The following CHN2 variants were observed in gnomAD, a reference collection of about 807,000 sequenced individuals.
CHN2 encodes beta-chimaerin.
In CHN2, 35 loss-of-function variants were observed where a neutral mutation model predicts 56.3. The observed-to-expected ratio is 0.62, with a 90% CI of 0.47 to 0.82. The LOEUF (loss-of-function observed/expected upper bound fraction) is 0.82. CHN2 is among the 40% of genes least tolerant of loss of function. CHN2 has a pLI of 0.00. For missense variants in CHN2, 491 were observed against 580.5 expected (o/e 0.85, Z 1.58); for synonymous variants, 210 against 212.8 (o/e 0.99, Z 0.12).
At chr7:29,399,237 C>G (rs1802009511) in intron 5 of CHN2, among the ~76,000 whole-genome samples, 1 of 152,190 alleles carries the variant, frequency 6.6e-6, no homozygotes, top group African/African-American at 2.4e-5. Flanking sequence ...CTGGCCGAGG[C>G]TGCAGCGTCT....
At chr7:29,215,853 C>T (rs1313412168) in intron 1 of CHN2, among the ~76,000 whole-genome samples, 2 of 152,048 alleles carry the variant, frequency 1.3e-5, no homozygotes, top group Non-Finnish European at 2.9e-5. Context: ...TTAAATTATG[C>T]ACTCTTCTTC....
At chr7:29,297,383 T>G (rs1793256618) in intron 1 of CHN2, among the ~76,000 whole-genome samples, 2 of 151,996 alleles carry the variant, frequency 1.3e-5, no homozygotes, top group Admixed American at 1.3e-4. Context: ...AAGACCCATC[T>G]TAGCCTCCTG....
intron 6 of CHN2, among the ~76,000 whole-genome samples, chr7:29,414,424 T>A (rs1018441148): frequency 1.3e-5 from 2 of 152,168 alleles, no homozygotes; most frequent in Admixed American, 6.5e-5. Context: ...CCACGTGCTA[T>A]AGGGGTGGCT....
intron 6 of CHN2, among the ~76,000 whole-genome samples, chr7:29,408,714 G>T (rs1001439046): frequency 6.6e-6 from 1 of 152,306 alleles, no homozygotes; most frequent in East Asian, 1.9e-4. Context: ...TCTCTCAGGG[G>T]TCAGCTAGTG....
intron 1 of CHN2, among the ~76,000 whole-genome samples, chr7:29,280,306 C>A (rs1320369659): frequency 6.6e-6 from 1 of 151,978 alleles, no homozygotes; most frequent in Non-Finnish European, 1.5e-5. Context: ...ATTGCTTGAA[C>A]CCAGGAGGCA....
intron 1 of CHN2, chr7:29,200,140 A>G (rs1037797921): frequency 6.6e-6 from 1 of 152,248 alleles, no homozygotes. Context: ...AGGCAAACAC[A>G]GAGAAAAAGA....
chr7:29,473,482 T>TTTTTTTG (rs539151442), intron 6 of CHN2, among the ~76,000 whole-genome samples: 1,408 of 118,056 alleles, frequency 0.012, 17 homozygotes, highest in Non-Finnish European at 0.018. Context: ...TTTTTTTTTT[T>TTTTTTTG]TGTGTGTGTG....
chr7:29,405,995 G>C (rs1802619291), intron 6 of CHN2, among the ~76,000 whole-genome samples: 1 of 152,190 alleles, frequency 6.6e-6, no homozygotes, highest in South Asian at 2.1e-4. Context: ...ATACAAGGTT[G>C]AGCCTGTCCC....
At chr7:29,484,833 T>C (rs2128550909) in intron 7 of CHN2, among the ~76,000 whole-genome samples, 1 of 152,342 alleles carries the variant, frequency 6.6e-6, no homozygotes, top group East Asian at 1.9e-4. Context: ...GTCAGTAATG[T>C]TAAAGTTTAC....
chr7:29,454,533 G>T (rs1342550845), intron 6 of CHN2, among the ~76,000 whole-genome samples: 2 of 152,176 alleles, frequency 1.3e-5, no homozygotes. Context: ...GTGAGGATGG[G>T]CCAGGTTAGG....
intron 1 of CHN2, chr7:29,198,045 G>T: frequency 2.2e-6 from 1 of 456,282 alleles, no homozygotes; most frequent in South Asian, 1.5e-5. Flanking sequence ...AGGCCCATAA[G>T]CAGCATCATG....
Position 29,301,759 on chromosome 7 carries a change from G to A in CHN2, c.50-52866G>A, listed in dbSNP as rs550038480. On this transcript the variant is annotated intron_variant, in intron 1 of 12. Coordinates refer to ENST00000222792, the MANE Select transcript of CHN2 (RefSeq NM_004067.4). The stretch of plus-strand genomic sequence containing the variant: ...AGCACTCTTTGAGTTTTAACACATT[G>A]TACAGAAGGAAGTGCTTGTTATCAT... 1.3e-4 allele frequency among the ~76,000 whole-genome samples: 20 copies of A among 152,278 alleles called. 1 individual carries two copies. In the South Asian group the frequency reaches 3.7e-3, roughly 28 times the overall value.
At chr7:29,504,014 A>T (rs1790267515) in intron 9 of CHN2, among the ~76,000 whole-genome samples, 1 of 152,220 alleles carries the variant, frequency 6.6e-6, no homozygotes, top group Non-Finnish European at 1.5e-5. Context: ...AATTTCCAGA[A>T]GCAATAACCA....
chr7:29,506,366 G>A (rs1032671063), intron 10 of CHN2, among the ~76,000 whole-genome samples: 3 of 152,182 alleles, frequency 2.0e-5, no homozygotes, highest in African/African-American at 7.2e-5. Flanking sequence ...GGCCAGGCGT[G>A]GTGGCTCACA....
chr7:29,310,385 T>A (rs1265742330), intron 1 of CHN2, among the ~76,000 whole-genome samples: 1 of 152,224 alleles, frequency 6.6e-6, no homozygotes, highest in Non-Finnish European at 1.5e-5. Context: ...GGGTACCATA[T>A]GATCCTGTAT....
At chr7:29,251,621 A>T (rs974852270) in intron 1 of CHN2, among the ~76,000 whole-genome samples, 2 of 152,192 alleles carry the variant, frequency 1.3e-5, no homozygotes, top group Non-Finnish European at 2.9e-5. Context: ...TGTAACTAAC[A>T]CTTACACAGA....
chr7:29,278,420 G>A (rs946481161), intron 1 of CHN2, among the ~76,000 whole-genome samples: 1 of 151,254 alleles, frequency 6.6e-6, no homozygotes, highest in African/African-American at 2.4e-5. Context: ...AAATGAATGA[G>A]CATGGCTGTG....
At chr7:29,275,214 G>C (rs1211014211) in intron 1 of CHN2, among the ~76,000 whole-genome samples, 2 of 152,138 alleles carry the variant, frequency 1.3e-5, no homozygotes, top group East Asian at 1.9e-4. Context: ...TCTTAAAATA[G>C]TGTATAATAT....
At chr7:29,507,980 G>T (rs902981472) in intron 11 of CHN2, among the ~76,000 whole-genome samples, 4 of 152,148 alleles carry the variant, frequency 2.6e-5, no homozygotes, top group African/African-American at 9.7e-5. Context: ...TTCCTAGTCA[G>T]TTAAAGTCAC....
Sources: gnomAD v4.1 joint callset for allele counts (sites outside exome capture counted in the v4.1 genomes callset) on GRCh38, gnomAD v4.1.1 for gene constraint, MANE v1.5 for transcripts, NCBI Gene and HGNC (gene_info 2026-07-23, HGNC 2026-07-21) for gene names.